PLXNA4: variants seen among roughly 807,000 people sequenced by gnomAD.
PLXNA4 encodes plexin A4, also known as plexin-A4.
PLXNA4 carries 44 observed loss-of-function variants against 191.8 expected under a neutral mutation model. That is an observed-to-expected ratio of 0.23 (90% CI 0.18 to 0.29). PLXNA4 has a LOEUF of 0.29. Among genes scored for constraint, PLXNA4 ranks in the 10% least tolerant of loss-of-function variants. The pLI, the probability that PLXNA4 is intolerant of heterozygous loss-of-function variation, is 1.00. For missense variants in PLXNA4, 1,800 were observed against 2,488.8 expected (o/e 0.72, Z 5.89); for synonymous variants, 1,082 against 1,009.5 (o/e 1.07, Z -1.36).
At chr7:132,211,894 C>A (rs1797814286) in intron 9 of PLXNA4, among the ~76,000 whole-genome samples, 1 of 152,148 alleles carries the variant, frequency 6.6e-6, no homozygotes, top group African/African-American at 2.4e-5. Flanking sequence ...GGGCTATCAG[C>A]TTTGTCCAGG....
chr7:132,308,661 A>G (rs1801616057), intron 3 of PLXNA4, among the ~76,000 whole-genome samples: 1 of 152,260 alleles, frequency 6.6e-6, no homozygotes, highest in South Asian at 2.1e-4. Flanking sequence ...ACAATCTACT[A>G]AACTTTCCTA....
chr7:132,492,929 T>C (rs1797862701), intron 2 of PLXNA4, among the ~76,000 whole-genome samples: 1 of 152,172 alleles, frequency 6.6e-6, no homozygotes, highest in Admixed American at 6.5e-5. Context: ...CTAGCATGCC[T>C]CTTGACCACA....
intron 4 of PLXNA4, among the ~76,000 whole-genome samples, chr7:132,279,178 G>A (rs1024750857): frequency 2.0e-5 from 3 of 152,210 alleles, no homozygotes; most frequent in Non-Finnish European, 2.9e-5. Context: ...ACTGGTGAGT[G>A]GTGCACACTG....
intron 2 of PLXNA4, among the ~76,000 whole-genome samples, chr7:132,501,326 A>G (rs542030714): frequency 2.6e-5 from 4 of 152,288 alleles, no homozygotes; most frequent in Admixed American, 1.3e-4. Flanking sequence ...TGGGTGTGCT[A>G]TGGGTGTGTA....
chr7:132,130,634 G>A, intron 31 of PLXNA4, 60 bp from the exon 32 acceptor site: 3 of 1,611,184 alleles, frequency 1.9e-6, no homozygotes, highest in Non-Finnish European at 2.5e-6. Flanking sequence ...TGTGTTCTCA[G>A]GAGGCACAAA....
Position 132,393,207 on chromosome 7 carries a change from C to T in PLXNA4, c.1372-94985G>A, listed in dbSNP as rs553814364. 4.9e-3 allele frequency among the ~76,000 whole-genome samples: 701 copies of T among 142,434 alleles called. 7 individuals are homozygous for T. Among genetic ancestry groups the T allele is most frequent in the Middle Eastern group, 0.022 (6 of 274 alleles). 93.4% of individuals were successfully genotyped at this position (142,434 alleles called of 152,430 possible). The stretch of plus-strand genomic sequence containing the variant: ...CCCCCAACACCCCCCCCCACCACCA[C>T]CACCACTGACCCCAGCCCCACCCAC... On this transcript the variant is annotated intron_variant, in intron 3 of 31. Transcript: ENST00000321063.
chr7:132,167,252 T>C (rs1796149560), intron 22 of PLXNA4, among the ~76,000 whole-genome samples: 2 of 152,142 alleles, frequency 1.3e-5, no homozygotes, highest in South Asian at 4.1e-4. Flanking sequence ...AAGGCGAAAG[T>C]CATAGGATAA....
chr7:132,609,741 G>C (rs1193459340), intron 2 of PLXNA4, among the ~76,000 whole-genome samples: 2 of 152,216 alleles, frequency 1.3e-5, no homozygotes, highest in Non-Finnish European at 2.9e-5. Flanking sequence ...CTGGCTGTCT[G>C]ACTCCCAGGC....
intron 3 of PLXNA4, chr7:132,384,821 C>T: frequency 8.8e-7 from 1 of 1,134,520 alleles, no homozygotes; most frequent in Non-Finnish European, 1.1e-6. Flanking sequence ...CAGAAGTGGA[C>T]AGATGAGCAT....
chr7:132,326,839 CCA>C (rs1481813698), intron 3 of PLXNA4, among the ~76,000 whole-genome samples: 2 of 152,030 alleles, frequency 1.3e-5, no homozygotes, highest in Non-Finnish European at 2.9e-5. Context: ...GTTTCACTCC[CCA>C]CAGTGTCTGT....
chr7:132,376,143 A>T (rs1001584228), intron 3 of PLXNA4, among the ~76,000 whole-genome samples: 3 of 152,088 alleles, frequency 2.0e-5, no homozygotes, highest in Non-Finnish European at 2.9e-5. Context: ...AAGTGTTGCT[A>T]CTCTGAAGAC....
At position 132,617,313 on chromosome 7, in the gene PLXNA4, G is replaced by A. The variant is rs540426877; in HGVS notation, c.-87+28615C>T. Among the ~76,000 whole-genome samples, 4 of 152,188 alleles carry A rather than the reference G, an allele frequency of 2.6e-5. No individual in the cohort carries two copies. In the East Asian group the frequency reaches 7.8e-4, roughly 30 times the overall value. On this transcript the variant is annotated intron_variant, in intron 2 of 4. Transcript: ENST00000378539. ...GGGATGGGGTCAGAATGTAAGAAAC[G>A]GCTCAGAGTCTGAAGACTGATCAGG...
chr7:132,140,509 G>C (rs1284439009), intron 30 of PLXNA4, 90 bp downstream of exon 30: 32 of 1,524,762 alleles, frequency 2.1e-5, no homozygotes, highest in Non-Finnish European at 2.8e-5. Flanking sequence ...TGGAAACACA[G>C]CTGGTTTTTG....
chr7:132,426,980 C>A (rs1795068886), intron 3 of PLXNA4, among the ~76,000 whole-genome samples: 1 of 152,170 alleles, frequency 6.6e-6, no homozygotes, highest in African/African-American at 2.4e-5. Flanking sequence ...CTCACCTGTA[C>A]CCCCTTGGGA....
intron 5 of PLXNA4, among the ~76,000 whole-genome samples, chr7:132,233,848 C>A (rs547099370): frequency 6.6e-6 from 1 of 152,326 alleles, no homozygotes; most frequent in East Asian, 1.9e-4. Context: ...TTTGAATGAA[C>A]AATCTATTGA....
At position 132,401,191 on chromosome 7, in the gene PLXNA4, T is replaced by C. The variant is rs79652659; in HGVS notation, c.1371+88101A>G. 4.8e-3 allele frequency among the ~76,000 whole-genome samples: 728 copies of C among 152,360 alleles called. 12 individuals are homozygous for C. The highest frequency in any genetic ancestry group is 0.017 in the African/African-American group (687 of 41,590). On this transcript the variant is annotated intron_variant, in intron 3 of 31. Transcript: ENST00000321063. ...TGGGTTGTACCAGTCAATTTTCCAT[T>C]TGTGATATTGTACTATAGTTATGCA...
At chr7:132,166,621 C>T (rs1458010217) in intron 22 of PLXNA4, among the ~76,000 whole-genome samples, 1 of 151,640 alleles carries the variant, frequency 6.6e-6, no homozygotes, top group Non-Finnish European at 1.5e-5. Context: ...GAAGAAGGAA[C>T]ATTGAAAGGA....
rs36103959 is a variant in PLXNA4, at chr7:132,179,147, TCACA to T, written c.3874+536_3874+539del. 7.7e-3 allele frequency among the ~76,000 whole-genome samples: 459 copies of T among 59,956 alleles called. 6 individuals are homozygous for T. The highest frequency in any genetic ancestry group is 0.028 in the African/African-American group (409 of 14,520). 39.3% of individuals were successfully genotyped at this position (59,956 alleles called of 152,430 possible). A position where few individuals can be genotyped will look rare whatever the true frequency, so the allele number is the denominator to read the frequency against. On this transcript the variant is annotated intron_variant, in intron 20 of 31. Coordinates refer to ENST00000321063, the MANE Select transcript of PLXNA4 (RefSeq NM_020911.2). Reference sequence around the variant, plus strand: ...CGTGCGTGCTCACACACGTGCGTGCTCACACACACACACACACAGCCTCCAGCAC... The same window carrying T: ...CGTGCGTGCTCACACACGTGCGTGCTCACACACACACACAGCCTCCAGCAC...
chr7:132,241,472 T>C (rs1285302873), intron 4 of PLXNA4, among the ~76,000 whole-genome samples: 2 of 152,238 alleles, frequency 1.3e-5, no homozygotes, highest in African/African-American at 4.8e-5. Flanking sequence ...GTTTTCTACC[T>C]CTGAAACCAC....
Sources: allele counts gnomAD v4.1 joint callset (sites outside exome capture counted in the v4.1 genomes callset), GRCh38; gene constraint gnomAD v4.1.1; transcripts MANE v1.5; gene names NCBI Gene and HGNC (gene_info 2026-07-23, HGNC 2026-07-21).